Variants in STX18 observed in about 807,000 individuals in gnomAD.
The protein encoded by STX18 is syntaxin 18, also known as syntaxin-18.
Under a neutral mutation model 50.1 loss-of-function variants are expected in STX18, and 40 were observed. The ratio of observed to expected loss-of-function variants is 0.80; its 90% CI spans 0.62 to 1.04. The LOEUF (loss-of-function observed/expected upper bound fraction) is 1.04, where lower values mean the gene tolerates loss of function less well. Ranked by LOEUF, STX18 falls within the 50% of genes least tolerant of loss-of-function variation. STX18 has a pLI of 0.00. For missense variants in STX18, 410 were observed against 415.8 expected, an observed-to-expected ratio of 0.99 and a Z score of 0.12; for synonymous variants, 158 against 151.8, an observed-to-expected ratio of 1.04 and a Z score of -0.30.
At chr4:4,512,712 T>C (rs1730058256) in intron 1 of STX18, among the ~76,000 whole-genome samples, 2 of 152,290 alleles carry the variant, frequency 1.3e-5, no homozygotes. Flanking sequence ...GTAAGCAGAA[T>C]ACACAATATC....
intron 1 of STX18, among the ~76,000 whole-genome samples, chr4:4,499,816 A>G (rs957276687): frequency 3.3e-5 from 5 of 152,216 alleles, no homozygotes; most frequent in African/African-American, 1.2e-4. Context: ...TAAATAAAAG[A>G]ATAAAAGAAT....
intron 7 of STX18, among the ~76,000 whole-genome samples, chr4:4,430,939 C>T (rs1377302872): frequency 6.6e-6 from 1 of 152,178 alleles, no homozygotes; most frequent in East Asian, 1.9e-4. Flanking sequence ...AGTCCCAAAG[C>T]CTATGTTCTT....
rs190676309 is a variant in STX18 at position 4,523,882 on chromosome 4, C to G, written c.168+17915G>C. Among the ~76,000 whole-genome samples the G allele has an allele frequency of 4.8e-3, 732 of 152,302 alleles. 3 individuals carry two copies. The highest frequency in any genetic ancestry group is 0.017 in the African/African-American group (691 of 41,568). The stretch of plus-strand genomic sequence containing the variant: ...CATTCCTCTCCCATTCTAGGGGAAT[C>G]TCTTTTTACCCTTCAAGGCTTAACT... On this transcript the variant is annotated intron_variant, in intron 1 of 10. Coordinates refer to ENST00000306200, the MANE Select transcript of STX18 (RefSeq NM_016930.4).
chr4:4,479,159 C>T lies in STX18; in HGVS notation c.169-7453G>A, dbSNP rs543904045. Among the ~76,000 whole-genome samples, 359 of 152,280 alleles carry T rather than the reference C, an allele frequency of 2.4e-3. 1 individual carries two copies. Among genetic ancestry groups the T allele is most frequent in the Non-Finnish European group, 4.4e-3 (301 of 68,018 alleles). On this transcript the variant is annotated intron_variant, in intron 1 of 10. Transcript: ENST00000306200. Reference sequence around the variant, plus strand: ...TTTTTATTGAGTACTACATACTATACGGCAGGCACCAATCTAAATGCTATG... The same window carrying T: ...TTTTTATTGAGTACTACATACTATATGGCAGGCACCAATCTAAATGCTATG...
At chr4:4,472,871 C>T (rs568844921) in intron 1 of STX18, among the ~76,000 whole-genome samples, 1 of 152,288 alleles carries the variant, frequency 6.6e-6, no homozygotes, top group African/African-American at 2.4e-5. Flanking sequence ...TTGGGTTCAG[C>T]TAAATTTCCC....
chr4:4,524,114 C>A (rs549802461), intron 1 of STX18, among the ~76,000 whole-genome samples: 1 of 152,164 alleles, frequency 6.6e-6, no homozygotes, highest in Non-Finnish European at 1.5e-5. Context: ...AATACCTAAC[C>A]TAGTTGTATG....
intron 1 of STX18, among the ~76,000 whole-genome samples, chr4:4,513,138 C>T (rs935350679): frequency 6.6e-6 from 1 of 152,050 alleles, no homozygotes; most frequent in Non-Finnish European, 1.5e-5. Flanking sequence ...GAGACAGACA[C>T]AGGAAATCCT....
At chr4:4,507,834 A>G in intron 1 of STX18, 2 of 709,204 alleles carry the variant, frequency 2.8e-6, no homozygotes, top group Admixed American at 5.4e-5. Context: ...AAAAAAAAAA[A>G]AAAGTTAAAA....
chr4:4,459,517 C>G (rs967494980), intron 2 of STX18, 30 bp from the exon 3 acceptor site: 1 of 1,495,606 alleles, frequency 6.7e-7, no homozygotes, highest in Non-Finnish European at 9.3e-7. Flanking sequence ...GAAAGGGCAG[C>G]AGCAAATGAG....
At chr4:4,445,239 T>C (rs930420759) in intron 5 of STX18, among the ~76,000 whole-genome samples, 1 of 151,950 alleles carries the variant, frequency 6.6e-6, no homozygotes, top group Admixed American at 6.6e-5. Flanking sequence ...AAACCTTATC[T>C]CTACTAAAAT....
At chr4:4,492,803 G>A (rs190465730) in intron 1 of STX18, among the ~76,000 whole-genome samples, 1 of 152,140 alleles carries the variant, frequency 6.6e-6, no homozygotes, top group East Asian at 1.9e-4. Context: ...CTCTTCCCTA[G>A]TAGTCTGAAA....
intron 1 of STX18, among the ~76,000 whole-genome samples, chr4:4,503,392 ATTG>A (rs1337008545): frequency 2.6e-5 from 4 of 152,194 alleles, no homozygotes; most frequent in Non-Finnish European, 4.4e-5. Flanking sequence ...GTGTATTTTT[ATTG>A]TTGTTGTTTA....
chr4:4,426,413 G>A (rs1469291262), intron 7 of STX18: 2 of 152,246 alleles, frequency 1.3e-5, no homozygotes, highest in Non-Finnish European at 2.9e-5. Flanking sequence ...ATCGATGGAA[G>A]ATCTGGCTTA....
chr4:4,497,285 G>A (rs1729223546), intron 1 of STX18, among the ~76,000 whole-genome samples: 1 of 152,188 alleles, frequency 6.6e-6, no homozygotes, highest in African/African-American at 2.4e-5. Context: ...AATATGCCAA[G>A]GAGGAGCACA....
chr4:4,448,945 T>C (rs1382276102), intron 5 of STX18, among the ~76,000 whole-genome samples: 1 of 151,656 alleles, frequency 6.6e-6, no homozygotes, highest in Non-Finnish European at 1.5e-5. Flanking sequence ...CAATATCTAC[T>C]ACTAGAGTTG....
At chr4:4,529,068 A>G (rs1730952643) in intron 1 of STX18, among the ~76,000 whole-genome samples, 1 of 152,254 alleles carries the variant, frequency 6.6e-6, no homozygotes, top group African/African-American at 2.4e-5. Flanking sequence ...CTTATCTTTA[A>G]GAAACGCATG....
chr4:4,473,739 T>C (rs1728039133), intron 1 of STX18, among the ~76,000 whole-genome samples: 1 of 152,198 alleles, frequency 6.6e-6, no homozygotes, highest in Non-Finnish European at 1.5e-5. Flanking sequence ...TTCCCCTGCC[T>C]ACCAGGGGTC....
At chr4:4,434,559 C>T (rs933816340) in intron 7 of STX18, among the ~76,000 whole-genome samples, 6 of 152,164 alleles carry the variant, frequency 3.9e-5, no homozygotes, top group Admixed American at 3.3e-4. Context: ...AAAATGTCTT[C>T]TTTAATTATG....
intron 1 of STX18, among the ~76,000 whole-genome samples, chr4:4,487,904 C>T (rs1728768338): frequency 6.6e-6 from 1 of 152,202 alleles, no homozygotes; most frequent in South Asian, 2.1e-4. Context: ...CCTAGCTCAA[C>T]AAATGTCTAG....
Sources: allele counts gnomAD v4.1 joint callset (sites outside exome capture counted in the v4.1 genomes callset), GRCh38; gene constraint gnomAD v4.1.1; transcripts MANE v1.5; gene names NCBI Gene and HGNC (gene_info 2026-07-23, HGNC 2026-07-21).